Variants in ADAMTS12 observed in about 807,000 individuals in gnomAD.
ADAMTS12 encodes ADAM metallopeptidase with thrombospondin type 1 motif 12, also known as A disintegrin and metalloproteinase with thrombospondin motifs 12.
In ADAMTS12, 118 loss-of-function variants were observed where a neutral mutation model predicts 167.8. The observed-to-expected ratio is 0.70, with a 90% CI of 0.61 to 0.82. ADAMTS12 has a LOEUF of 0.82. ADAMTS12 is among the 40% of genes least tolerant of loss of function. The pLI is 0.00. For synonymous variants in ADAMTS12, 704 were observed against 716.9 expected, an observed-to-expected ratio of 0.98 and a Z score of 0.29; for missense variants, 1,916 against 1,998.8, an observed-to-expected ratio of 0.96 and a Z score of 0.79.
At position 33,838,975 on chromosome 5, in the gene ADAMTS12, A is replaced by G. The variant is rs965625548; in HGVS notation, c.489+42144T>C. Among the ~76,000 whole-genome samples, 4 of 152,196 alleles carry G rather than the reference A, an allele frequency of 2.6e-5. No individual in the cohort carries two copies. The South Asian group carries it at 8.3e-4, about 31-fold the overall frequency. ...AAAAACGACTGGATTCAAACTCCCAATTCTGGCATTAACCTGAGTTGCTAT... is the reference window on the plus strand; with the variant it reads ...AAAAACGACTGGATTCAAACTCCCAGTTCTGGCATTAACCTGAGTTGCTAT... On this transcript the variant is annotated intron_variant, in intron 2 of 23. Transcript: ENST00000504830.
At chr5:33,700,875 TAA>T (rs1335358047) in intron 3 of ADAMTS12, among the ~76,000 whole-genome samples, 3 of 152,200 alleles carry the variant, frequency 2.0e-5, no homozygotes. Context: ...TAATTTTATT[TAA>T]AAAGTATATG....
chr5:33,536,654 C>G (rs758416407), intron 22 of ADAMTS12, among the ~76,000 whole-genome samples: 1 of 152,204 alleles, frequency 6.6e-6, no homozygotes, highest in Non-Finnish European at 1.5e-5. Context: ...ACCACTCTCT[C>G]ATTATCCCTC....
At chr5:33,699,953 T>A (rs1742942707) in intron 3 of ADAMTS12, among the ~76,000 whole-genome samples, 1 of 152,142 alleles carries the variant, frequency 6.6e-6, no homozygotes, top group Non-Finnish European at 1.5e-5. Context: ...TTAGTCAACA[T>A]CATTAGCTAT....
At chr5:33,715,574 CA>C (rs752495771) in intron 3 of ADAMTS12, among the ~76,000 whole-genome samples, 2 of 152,090 alleles carry the variant, frequency 1.3e-5, no homozygotes, top group Non-Finnish European at 2.9e-5. Flanking sequence ...AGATTCTTTA[CA>C]AACTCTTCAG....
In ADAMTS12 at chr5:33,624,322, GGAATCGATCTCATA is replaced by G. The variant is rs780621900; in HGVS notation, c.2038_2051del (p.Tyr680GlnfsTer25). 1 of 1,614,028 alleles carries G rather than the reference GGAATCGATCTCATA, an allele frequency of 6.2e-7. No individual in the cohort carries two copies. Among genetic ancestry groups the G allele is most frequent in the Non-Finnish European group, 8.5e-7 (1 of 1,179,936 alleles). On this transcript the variant is annotated frameshift_variant, in exon 14 of 24. Coordinates refer to ENST00000504830, the MANE Select transcript of ADAMTS12 (RefSeq NM_030955.4). LOFTEE classifies it high-confidence loss of function. Reference sequence around the variant, plus strand: ...CACCGCAGCGATCCTCGGTGGCATTGGAATCGATCTCATAGTCACAGCCAACCATCTGTGGGGAA... The same window carrying G: ...CACCGCAGCGATCCTCGGTGGCATTGGTCACAGCCAACCATCTGTGGGGAA...
chr5:33,645,396 T>C (rs1005385879), intron 9 of ADAMTS12, among the ~76,000 whole-genome samples: 5 of 152,160 alleles, frequency 3.3e-5, no homozygotes, highest in Non-Finnish European at 5.9e-5. Flanking sequence ...CATCCTTTCA[T>C]TGAAGCACAA....
chr5:33,733,241 AT>A (rs1744254481), intron 3 of ADAMTS12, among the ~76,000 whole-genome samples: 2 of 152,086 alleles, frequency 1.3e-5, no homozygotes, highest in African/African-American at 2.4e-5. Flanking sequence ...TACAGTTACT[AT>A]TTTTTTAAAG....
intron 16 of ADAMTS12, among the ~76,000 whole-genome samples, chr5:33,607,659 A>AT (rs1240925781): frequency 6.6e-6 from 1 of 151,896 alleles, no homozygotes; most frequent in Non-Finnish European, 1.5e-5. Flanking sequence ...ATGTTTTTCC[A>AT]TTTTTTGTGT....
intron 3 of ADAMTS12, among the ~76,000 whole-genome samples, chr5:33,745,829 G>A (rs374886514): frequency 6.6e-6 from 1 of 152,042 alleles, no homozygotes; most frequent in Non-Finnish European, 1.5e-5. Flanking sequence ...TGTTGGTCTC[G>A]AATTTTATTA....
intron 13 of ADAMTS12, among the ~76,000 whole-genome samples, chr5:33,627,190 TGGTGATGGTGG>T (rs964223142): frequency 6.9e-6 from 1 of 144,596 alleles, no homozygotes; most frequent in Admixed American, 6.9e-5. Context: ...GATGAGGTGG[TGGTGATGGTGG>T]GGTGATGGTG....
rs550481466 is a variant in ADAMTS12 at position 33,860,191 on chromosome 5, A to C, written c.489+20928T>G. 1.2e-3 allele frequency among the ~76,000 whole-genome samples: 186 copies of C among 152,332 alleles called. 1 individual carries two copies. Among genetic ancestry groups the C allele is most frequent in the African/African-American group, 4.3e-3 (177 of 41,580 alleles). On this transcript the variant is annotated intron_variant, in intron 2 of 23. Coordinates refer to ENST00000504830, the MANE Select transcript of ADAMTS12 (RefSeq NM_030955.4). ...ATGAATTGACAAAAGTAGGCTTCAGAAGTTAGGTAATAACAAACTCCTCTG... is the reference window on the plus strand; with the variant it reads ...ATGAATTGACAAAAGTAGGCTTCAGCAGTTAGGTAATAACAAACTCCTCTG...
At chr5:33,546,511 C>A (rs1744992992) in intron 21 of ADAMTS12, among the ~76,000 whole-genome samples, 1 of 152,138 alleles carries the variant, frequency 6.6e-6, no homozygotes, top group African/African-American at 2.4e-5. Flanking sequence ...TAATGATTAT[C>A]TCTGACAGCC....
intron 3 of ADAMTS12, chr5:33,751,188 C>T: frequency 1.8e-6 from 1 of 568,118 alleles, no homozygotes; most frequent in Non-Finnish European, 3.0e-6. Context: ...TATGCAGAGA[C>T]TCGAGTATTG....
intron 22 of ADAMTS12, among the ~76,000 whole-genome samples, chr5:33,536,173 A>G (rs1383988774): frequency 7.2e-5 from 11 of 152,164 alleles, no homozygotes; most frequent in Non-Finnish European, 7.3e-5. Context: ...GTCTGGCTCT[A>G]TCACCCAGGC....
At chr5:33,559,073 CA>C (rs1256598979) in intron 20 of ADAMTS12, among the ~76,000 whole-genome samples, 3 of 152,130 alleles carry the variant, frequency 2.0e-5, no homozygotes, top group Non-Finnish European at 4.4e-5. Context: ...GTAAGTCTGC[CA>C]GGAGAACCAG....
At chr5:33,657,435 T>C (rs1323794288) in intron 7 of ADAMTS12, among the ~76,000 whole-genome samples, 10 of 152,206 alleles carry the variant, frequency 6.6e-5, no homozygotes, top group Admixed American at 6.6e-4. Flanking sequence ...GCTCTCTTAT[T>C]TGTGGTTAGC....
At chr5:33,696,420 C>CAA (rs71600922) in intron 3 of ADAMTS12, among the ~76,000 whole-genome samples, 69,059 of 129,676 alleles carry the variant, frequency 0.53, 19,314 homozygotes, top group South Asian at 0.65. Context: ...GACTCCGTCT[C>CAA]AAAAAAAAAA....
intron 16 of ADAMTS12, among the ~76,000 whole-genome samples, chr5:33,600,182 T>C (rs1738117920): frequency 6.6e-6 from 1 of 152,210 alleles, no homozygotes; most frequent in African/African-American, 2.4e-5. Context: ...TTCAAAATGT[T>C]ATTTCCAGAT....
chr5:33,847,341 G>A (rs565636532), intron 2 of ADAMTS12, among the ~76,000 whole-genome samples: 4 of 152,240 alleles, frequency 2.6e-5, no homozygotes, highest in East Asian at 1.9e-4. Flanking sequence ...AGGAAGTTTC[G>A]GCCAGGCACT....
Sources: gnomAD v4.1 joint callset for allele counts (sites outside exome capture counted in the v4.1 genomes callset) on GRCh38, gnomAD v4.1.1 for gene constraint, MANE v1.5 for transcripts, NCBI Gene and HGNC (gene_info 2026-07-23, HGNC 2026-07-21) for gene names.